Variants in SEZ6L observed in about 807,000 individuals in gnomAD.
SEZ6L encodes seizure 6-like protein.
SEZ6L carries 37 observed loss-of-function variants against 106.2 expected under a neutral mutation model. The observed-to-expected ratio is 0.35, with a 90% CI of 0.27 to 0.46. The LOEUF is 0.46. Among genes scored for constraint, SEZ6L ranks in the 20% least tolerant of loss-of-function variants. The pLI, the probability that SEZ6L is intolerant of heterozygous loss-of-function variation, is 1.00. For missense variants in SEZ6L, 1,172 were observed against 1,332.8 expected, an observed-to-expected ratio of 0.88 and a Z score of 1.88; for synonymous variants, 541 against 570.4, an observed-to-expected ratio of 0.95 and a Z score of 0.73.
intron 1 of SEZ6L, among the ~76,000 whole-genome samples, chr22:26,206,845 G>A (rs1941296634): frequency 2.6e-5 from 4 of 152,162 alleles, no homozygotes; most frequent in Admixed American, 2.6e-4. Context: ...TCTCTTTCTG[G>A]ACAGAAAATT....
chr22:26,353,134 T>G (rs1465004793), intron 12 of SEZ6L, among the ~76,000 whole-genome samples: 3 of 152,232 alleles, frequency 2.0e-5, no homozygotes, highest in African/African-American at 7.2e-5. Context: ...TGTGTCTCCA[T>G]CTGTCTTTTT....
chr22:26,273,246 A>T lies in SEZ6L; in HGVS notation c.95-19160A>T, dbSNP rs1050946329. On this transcript the variant is annotated intron_variant, in intron 1 of 16. Coordinates refer to ENST00000248933, the MANE Select transcript of SEZ6L (RefSeq NM_021115.5). ...AAGGGCATCTTTCCCCCACCCCAGG[A>T]CAATGGCCTAGTGCCACCGCATGCA... Among the ~76,000 whole-genome samples the T allele has an allele frequency of 5.3e-5, 8 of 152,238 alleles. No homozygotes were observed. The East Asian group carries it at 1.3e-3, about 26-fold the overall frequency.
intron 1 of SEZ6L, among the ~76,000 whole-genome samples, chr22:26,260,770 T>C (rs1191001698): frequency 6.6e-6 from 1 of 152,180 alleles, no homozygotes; most frequent in Non-Finnish European, 1.5e-5. Context: ...CTGGATCAAA[T>C]GGTAGTTCTA....
chr22:26,244,751 C>T lies in SEZ6L; in HGVS notation c.95-47655C>T, dbSNP rs918973941. On this transcript the variant is annotated intron_variant, in intron 1 of 16. Coordinates refer to ENST00000248933, the MANE Select transcript of SEZ6L (RefSeq NM_021115.5). Reference sequence around the variant, plus strand: ...CCTCCCTTCTTTTATATTTTTCCCCCTTCCCAAGTGCCTACTACGCACCAG... The same window carrying T: ...CCTCCCTTCTTTTATATTTTTCCCCTTTCCCAAGTGCCTACTACGCACCAG... 100 of 152,232 alleles carry T rather than the reference C, an allele frequency of 6.6e-4. 1 individual carries two copies. Among genetic ancestry groups the T allele is most frequent in the African/African-American group, 2.2e-3 (91 of 41,544 alleles). 9.4% of individuals were successfully genotyped at this position (152,232 alleles called of 1,614,324 possible).
At chr22:26,206,043 C>G (rs1332224326) in intron 1 of SEZ6L, among the ~76,000 whole-genome samples, 1 of 152,184 alleles carries the variant, frequency 6.6e-6, no homozygotes, top group Non-Finnish European at 1.5e-5. Flanking sequence ...CATCCAATAA[C>G]TTGGCCTCTC....
chr22:26,204,953 A>T (rs888198855), intron 1 of SEZ6L, among the ~76,000 whole-genome samples: 1 of 152,240 alleles, frequency 6.6e-6, no homozygotes, highest in Non-Finnish European at 1.5e-5. Context: ...CCTATGTGAC[A>T]TGTGCCAGCC....
At chr22:26,270,630 A>C (rs2080334948) in intron 1 of SEZ6L, among the ~76,000 whole-genome samples, 3 of 152,168 alleles carry the variant, frequency 2.0e-5, no homozygotes. Flanking sequence ...AGAGATTTAC[A>C]TTTTGGATTA....
chr22:26,296,134 G>A (rs1248333996), intron 3 of SEZ6L, among the ~76,000 whole-genome samples: 2 of 152,226 alleles, frequency 1.3e-5, no homozygotes, highest in Middle Eastern at 3.4e-3. Context: ...ACACACACGC[G>A]CACATACCAT....
intron 1 of SEZ6L, among the ~76,000 whole-genome samples, chr22:26,238,279 C>T (rs1006370175): frequency 5.3e-5 from 8 of 152,182 alleles, no homozygotes; most frequent in African/African-American, 1.7e-4. Flanking sequence ...GTATTTTGTA[C>T]GGACCCACTG....
At chr22:26,204,226 G>A (rs1180254548) in intron 1 of SEZ6L, among the ~76,000 whole-genome samples, 7 of 152,170 alleles carry the variant, frequency 4.6e-5, no homozygotes, top group Admixed American at 3.3e-4. Flanking sequence ...GTACAATACA[G>A]ACATGGTCCC....
At position 26,332,061 on chromosome 22, in the gene SEZ6L, C is replaced by T. The variant is rs539483546; in HGVS notation, c.2016-8375C>T. On this transcript the variant is annotated intron_variant, in intron 9 of 16. Coordinates refer to ENST00000248933, the MANE Select transcript of SEZ6L (RefSeq NM_021115.5). The stretch of plus-strand genomic sequence containing the variant: ...CACAGCTATATAGGAGGAATAGCTT[C>T]TAGTGTTCTATAACACTGTAGGGTG... 1.4e-4 allele frequency among the ~76,000 whole-genome samples: 21 copies of T among 151,670 alleles called. No homozygotes were observed. In the South Asian group the frequency reaches 4.0e-3, roughly 29 times the overall value.
In SEZ6L at chr22:26,348,612, A is replaced by AAAAGAAAGAAAG. The variant is rs1175520871; in HGVS notation, c.2407+723_2407+734dup. Among the ~76,000 whole-genome samples, 52 of 21,778 alleles carry AAAAGAAAGAAAG rather than the reference A, an allele frequency of 2.4e-3. 3 individuals carry two copies. The highest frequency in any genetic ancestry group is 0.011 in the African/African-American group (25 of 2,272). 14.3% of individuals were successfully genotyped at this position (21,778 alleles called of 152,430 possible). A position where few individuals can be genotyped will look rare whatever the true frequency, so the allele number is the denominator to read the frequency against. ...AGAAAGAAAGAAAGAAAGAAAGAGA[A>AAAAGAAAGAAAG]AAAGAAAGAAAGAAAGAAAGAAAGA... is the stretch of plus-strand genomic sequence containing the variant. On this transcript the variant is annotated intron_variant, in intron 11 of 16. Coordinates refer to ENST00000248933, the MANE Select transcript of SEZ6L (RefSeq NM_021115.5).
At position 26,316,923 on chromosome 22, in the gene SEZ6L, AAAAG is replaced by A. The variant is rs796245709; in HGVS notation, c.2015+3033_2015+3036del. ...GAAAGAAGAAAGAAAGAAAGAAAGA[AAAAG>A]AAAGAAAGAAAAGAAAGAAAGGAAG... On this transcript the variant is annotated intron_variant, in intron 9 of 16. Transcript: ENST00000248933. Among the ~76,000 whole-genome samples, 35 of 150,296 alleles carry A rather than the reference AAAAG, an allele frequency of 2.3e-4. 1 individual carries two copies. The East Asian group carries it at 4.5e-3, about 19-fold the overall frequency.
chr22:26,340,381 T>A, intron 9 of SEZ6L, 55 bp from the exon 10 acceptor site: 4 of 1,504,382 alleles, frequency 2.7e-6, no homozygotes, highest in Non-Finnish European at 3.6e-6. Flanking sequence ...ATCAAGGGTT[T>A]ATTGAATGCC....
At chr22:26,193,387 T>C (rs1387309755) in intron 1 of SEZ6L, among the ~76,000 whole-genome samples, 2 of 152,080 alleles carry the variant, frequency 1.3e-5, no homozygotes, top group East Asian at 3.9e-4. Flanking sequence ...GGAGTGGAGG[T>C]AACATACTCA....
chr22:26,348,193 G>A (rs945699076), intron 11 of SEZ6L, among the ~76,000 whole-genome samples: 2 of 151,986 alleles, frequency 1.3e-5, no homozygotes, highest in African/African-American at 2.4e-5. Context: ...AGCGTATGTA[G>A]CCTGGTGAAA....
chr22:26,258,234 G>T (rs1211066363), intron 1 of SEZ6L, among the ~76,000 whole-genome samples: 1 of 152,158 alleles, frequency 6.6e-6, no homozygotes, highest in Non-Finnish European at 1.5e-5. Flanking sequence ...TTCAACAGGT[G>T]CTCCCCGAGT....
chr22:26,203,913 A>G (rs777527151), intron 1 of SEZ6L, among the ~76,000 whole-genome samples: 1 of 152,182 alleles, frequency 6.6e-6, no homozygotes, highest in Non-Finnish European at 1.5e-5. Flanking sequence ...TGATGTTTCA[A>G]CTTTTATTTC....
At chr22:26,305,879 C>T (rs1220647526) in intron 5 of SEZ6L, 100 bp from the exon 6 acceptor site, 2 of 1,250,890 alleles carry the variant, frequency 1.6e-6, no homozygotes, top group Non-Finnish European at 1.1e-6. Flanking sequence ...GAATGAAACA[C>T]TCACTTCCTT....
Sources: gnomAD v4.1 joint callset for allele counts (sites outside exome capture counted in the v4.1 genomes callset) on GRCh38, gnomAD v4.1.1 for gene constraint, MANE v1.5 for transcripts, NCBI Gene and HGNC (gene_info 2026-07-23, HGNC 2026-07-21) for gene names.